HEMK2: variants seen among roughly 807,000 people sequenced by gnomAD.
HEMK2 encodes the protein methyltransferase HEMK2.
the HEMK2 span, among the ~76,000 whole-genome samples, chr21:28,864,519 C>A: frequency 6.6e-5 from 10 of 152,176 alleles, no homozygotes; most frequent in African/African-American, 1.9e-4. Flanking sequence ...CACATGACTT[C>A]AAACGCTCCT....
chr21:28,865,459 G>A, the HEMK2 span, among the ~76,000 whole-genome samples: 5 of 152,174 alleles, frequency 3.3e-5, no homozygotes, highest in African/African-American at 4.8e-5. Context: ...GAGCCACCAC[G>A]CCCAGCCTAG....
chr21:28,633,407 G>A, the HEMK2 span, among the ~76,000 whole-genome samples: 1 of 152,142 alleles, frequency 6.6e-6, no homozygotes, highest in Non-Finnish European at 1.5e-5. Flanking sequence ...GGTGGAAACT[G>A]TGATTCTAAA....
At chr21:28,885,141 C>G in the HEMK2 span, 1 of 1,457,854 alleles carries the variant, frequency 6.9e-7, no homozygotes, top group Non-Finnish European at 9.2e-7. Flanking sequence ...GTCACCGTTC[C>G]GGCCCTCCTC....
the HEMK2 span, among the ~76,000 whole-genome samples, chr21:28,813,663 C>T: frequency 1.3e-5 from 2 of 152,166 alleles, no homozygotes; most frequent in African/African-American, 2.4e-5. Flanking sequence ...CATCACATTA[C>T]CTGACTTCAA....
the HEMK2 span, among the ~76,000 whole-genome samples, chr21:28,681,210 G>T: frequency 0.15 from 22,402 of 152,122 alleles, 1,900 homozygotes; most frequent in African/African-American, 0.23. Context: ...AAAGTCTCAG[G>T]ATACAAAATC....
chr21:28,873,428 C>A, the HEMK2 span: 3 of 152,216 alleles, frequency 2.0e-5, no homozygotes, highest in Non-Finnish European at 4.4e-5. Flanking sequence ...TGTAACTGGT[C>A]ATATGATCAA....
the HEMK2 span, among the ~76,000 whole-genome samples, chr21:28,753,696 G>A: frequency 6.6e-6 from 1 of 152,304 alleles, no homozygotes; most frequent in Admixed American, 6.5e-5. Flanking sequence ...ATACAGTAAT[G>A]TGAAAAGAAA....
the HEMK2 span, among the ~76,000 whole-genome samples, chr21:28,812,376 C>T: frequency 1.1e-3 from 170 of 152,230 alleles, no homozygotes; most frequent in African/African-American, 3.9e-3. Flanking sequence ...TTATTGAAGG[C>T]CTTTCCTGCA....
At chr21:28,614,874 G>A in the HEMK2 span, among the ~76,000 whole-genome samples, 1 of 152,178 alleles carries the variant, frequency 6.6e-6, no homozygotes, top group African/African-American at 2.4e-5. Flanking sequence ...ACCCTTCAGA[G>A]CATTGAGTGA....
At chr21:28,649,592 G>T in the HEMK2 span, among the ~76,000 whole-genome samples, 1 of 152,200 alleles carries the variant, frequency 6.6e-6, no homozygotes, top group African/African-American at 2.4e-5. Flanking sequence ...TAAGTAATTG[G>T]AAGTAAATAA....
chr21:28,680,132 G>A, the HEMK2 span, among the ~76,000 whole-genome samples: 5 of 151,894 alleles, frequency 3.3e-5, no homozygotes, highest in Non-Finnish European at 7.4e-5. Flanking sequence ...TGAAAAGATT[G>A]ACAAAATTGA....
the HEMK2 span, chr21:28,674,904 T>C: frequency 2.0e-5 from 3 of 152,152 alleles, no homozygotes; most frequent in African/African-American, 7.2e-5. Flanking sequence ...ATCCCACCCA[T>C]GAAAGTGGAG....
At chr21:28,877,152 GAAAGAA>G in the HEMK2 span, among the ~76,000 whole-genome samples, 1 of 94,190 alleles carries the variant, frequency 1.1e-5, no homozygotes, top group African/African-American at 3.6e-5. Context: ...GAGAGAGAGA[GAAAGAA>G]AGAGAAAGAA....
chr21:28,755,967 A>G, the HEMK2 span, among the ~76,000 whole-genome samples: 27,049 of 152,144 alleles, frequency 0.18, 2,824 homozygotes, highest in African/African-American at 0.28. Flanking sequence ...ATTAAAATAT[A>G]TGTGTGAGCC....
At chr21:28,738,339 A>G in the HEMK2 span, among the ~76,000 whole-genome samples, 3 of 152,310 alleles carry the variant, frequency 2.0e-5, no homozygotes, top group African/African-American at 7.2e-5. Context: ...AGTCTATTAC[A>G]TATGTTGATC....
the HEMK2 span, among the ~76,000 whole-genome samples, chr21:28,785,327 A>G: frequency 6.6e-6 from 1 of 152,224 alleles, no homozygotes; most frequent in East Asian, 1.9e-4. Context: ...TAAATCAGGG[A>G]TGCTTAACTT....
chr21:28,759,874 C>T, the HEMK2 span, among the ~76,000 whole-genome samples: 2 of 152,114 alleles, frequency 1.3e-5, no homozygotes, highest in African/African-American at 4.8e-5. Flanking sequence ...ACCTCTTTTT[C>T]TTTATAAATT....
At chr21:28,600,927 A>T in the HEMK2 span, among the ~76,000 whole-genome samples, 648 of 152,190 alleles carry the variant, frequency 4.3e-3, 2 homozygotes, top group Middle Eastern at 0.01. Context: ...AAGTTCCAAA[A>T]CTGTACTCCT....
chr21:28,734,598 G>C, the HEMK2 span, among the ~76,000 whole-genome samples: 2 of 152,086 alleles, frequency 1.3e-5, no homozygotes, highest in African/African-American at 4.8e-5. Context: ...GAGGAACTTT[G>C]ATATGGCCCA....
Sources: gnomAD v4.1 joint callset for allele counts (sites outside exome capture counted in the v4.1 genomes callset) on GRCh38, gnomAD v4.1.1 for gene constraint, MANE v1.5 for transcripts, NCBI Gene and HGNC (gene_info 2026-07-23, HGNC 2026-07-21) for gene names.